TMEM236: variants seen among roughly 807,000 people sequenced by gnomAD.
TMEM236 encodes the protein family with sequence similarity 23, member A.
A neutral mutation model predicts 14.7 loss-of-function variants in TMEM236; 11 were observed. The observed-to-expected ratio is 0.75, with a 90% confidence interval of 0.47 to 1.24. TMEM236 has a LOEUF of 1.24. TMEM236 is among the 50% of genes most tolerant of loss of function. The pLI is 0.00. For synonymous variants in TMEM236, 182 were observed against 168.6 expected (o/e 1.08, Z -0.62); for missense variants, 464 against 427.3 (o/e 1.09, Z -0.76).
chr10:17,789,036 G>T (rs1304608532), intron 3 of TMEM236, among the ~76,000 whole-genome samples: 1 of 152,176 alleles, frequency 6.6e-6, no homozygotes, highest in Non-Finnish European at 1.5e-5. Flanking sequence ...AGTGTCTGTG[G>T]TGTAAATTCT....
At chr10:17,759,482 C>T (rs1837325427) in intron 1 of TMEM236, among the ~76,000 whole-genome samples, 1 of 152,096 alleles carries the variant, frequency 6.6e-6, no homozygotes, top group Admixed American at 6.6e-5. Flanking sequence ...TTTTACCTGG[C>T]TTAAGGTTTT....
chr10:17,777,743 T>TTTTCG (rs1477596113), intron 3 of TMEM236, among the ~76,000 whole-genome samples: 1 of 152,102 alleles, frequency 6.6e-6, no homozygotes, highest in African/African-American at 2.4e-5. Context: ...ATGAGTTGTT[T>TTTTCG]TTTTGTTTTG....
Position 17,796,402 on chromosome 10 carries a change from A to C in TMEM236, c.954A>C (p.Val318=), listed in dbSNP as rs1218086966. ...TTGCCCTGGGGACTATCACACCCGT[A>C]CTGGGCCTGTGTAAAAATATCCTCG... The part of the protein sequence containing the change: ...LIIALGTITP[V]LGLCKNILVT... Residue 318 remains valine, a synonymous_variant, in exon 4 of 4, where the codon GTA becomes GTC. Coordinates refer to ENST00000377495, the MANE Select transcript of TMEM236 (RefSeq NM_001098844.3). 6.2e-7 allele frequency: 1 copy of C among 1,613,716 alleles called. No homozygotes were observed. Among genetic ancestry groups the C allele is most frequent in the Non-Finnish European group, 8.5e-7 (1 of 1,179,808 alleles).
At chr10:17,793,123 G>T (rs994100515) in intron 3 of TMEM236, among the ~76,000 whole-genome samples, 5 of 152,188 alleles carry the variant, frequency 3.3e-5, no homozygotes, top group African/African-American at 1.2e-4. Flanking sequence ...GCTGTGGAGA[G>T]ATATGAAGTT....
chr10:17,785,647 A>G (rs1390409226), intron 3 of TMEM236, among the ~76,000 whole-genome samples: 1 of 152,038 alleles, frequency 6.6e-6, no homozygotes, highest in Non-Finnish European at 1.5e-5. Flanking sequence ...AGCTTATTAT[A>G]CAAGATGAGC....
intron 1 of TMEM236, among the ~76,000 whole-genome samples, chr10:17,757,230 T>C (rs1042312677): frequency 6.6e-6 from 1 of 152,200 alleles, no homozygotes; most frequent in Admixed American, 6.5e-5. Context: ...CTCAGCGAAG[T>C]GTACATGCTA....
intron 1 of TMEM236, among the ~76,000 whole-genome samples, chr10:17,757,184 C>T (rs1340652925): frequency 6.6e-6 from 1 of 152,054 alleles, no homozygotes; most frequent in Non-Finnish European, 1.5e-5. Context: ...AGGAGCTTTA[C>T]ACCTTCTGTA....
At chr10:17,785,810 TGTTA>T (rs1435592683) in intron 3 of TMEM236, among the ~76,000 whole-genome samples, 4 of 152,224 alleles carry the variant, frequency 2.6e-5, no homozygotes, top group Non-Finnish European at 4.4e-5. Context: ...CAGGAAAGTA[TGTTA>T]GTTCTAGGAT....
chr10:17,796,861 A>C lies in TMEM236; in HGVS notation c.*357A>C. ...ACAGCACGTGGTGAACCTCAAACTG[A>C]GCGTTCCCGCCTGCATTCCGCCTCC... On this transcript the variant is annotated 3_prime_UTR_variant, in exon 4 of 4. Transcript: ENST00000377495. 3.4e-6 allele frequency: 1 copy of C among 293,616 alleles called. No individual in the cohort carries two copies. The highest frequency in any genetic ancestry group is 3.6e-5 in the South Asian group (1 of 27,800). The allele number at this position is 293,616 out of a possible 1,614,324, so 18.2% of individuals were successfully genotyped here.
chr10:17,777,318 A>G (rs958645151), intron 3 of TMEM236, among the ~76,000 whole-genome samples: 1 of 152,210 alleles, frequency 6.6e-6, no homozygotes, highest in Non-Finnish European at 1.5e-5. Flanking sequence ...AGCCGGGGCC[A>G]TCTGTTGAGT....
chr10:17,768,274 C>T (rs1837507930), intron 1 of TMEM236, among the ~76,000 whole-genome samples: 1 of 151,768 alleles, frequency 6.6e-6, no homozygotes, highest in Non-Finnish European at 1.5e-5. Flanking sequence ...TAGATAGGCA[C>T]ATATATTGTT....
chr10:17,787,484 A>G (rs962704493), intron 3 of TMEM236, among the ~76,000 whole-genome samples: 16 of 152,130 alleles, frequency 1.1e-4, no homozygotes, highest in African/African-American at 3.6e-4. Context: ...TTTTTTACCC[A>G]TTGACTCTAC....
At chr10:17,763,990 C>T (rs1392219910) in intron 1 of TMEM236, among the ~76,000 whole-genome samples, 7 of 152,034 alleles carry the variant, frequency 4.6e-5, no homozygotes, top group African/African-American at 1.2e-4. Flanking sequence ...TTTCCTGTAG[C>T]GCTTAGCCTG....
chr10:17,774,726 C>G (rs1157383287), intron 2 of TMEM236, among the ~76,000 whole-genome samples: 1 of 152,058 alleles, frequency 6.6e-6, no homozygotes, highest in Non-Finnish European at 1.5e-5. Context: ...CAAAAAGTTG[C>G]AACAGTGGTT....
intron 3 of TMEM236, among the ~76,000 whole-genome samples, chr10:17,789,988 C>T (rs948304109): frequency 2.0e-5 from 3 of 151,976 alleles, no homozygotes; most frequent in Admixed American, 6.6e-5. Context: ...CGCGCCATGG[C>T]ACTCCAGCCT....
chr10:17,783,235 A>G (rs1302005088), intron 3 of TMEM236, among the ~76,000 whole-genome samples: 1 of 152,154 alleles, frequency 6.6e-6, no homozygotes, highest in African/African-American at 2.4e-5. Flanking sequence ...CTGCCAGAAG[A>G]AAGTGACTAC....
intron 1 of TMEM236, among the ~76,000 whole-genome samples, chr10:17,759,982 C>CAAAAAAAAAA (rs35596189): frequency 1.8e-5 from 1 of 54,700 alleles, no homozygotes; most frequent in African/African-American, 7.3e-5. Context: ...GACTCCGTCT[C>CAAAAAAAAAA]AAAAAAAAAA....
intron 3 of TMEM236, among the ~76,000 whole-genome samples, chr10:17,793,932 C>T (rs928512838): frequency 1.3e-5 from 2 of 152,180 alleles, no homozygotes; most frequent in Non-Finnish European, 2.9e-5. Context: ...ATGATTCCCA[C>T]TCAGGCCACT....
chr10:17,776,174 A>G lies in TMEM236; in HGVS notation c.472+4A>G. On this transcript the variant is annotated splice_donor_region_variant and intron_variant, in intron 3 of 3. Transcript: ENST00000377495. ...CCTCTTAGAGGGAGTCAAAAGAGTA[A>G]GTGTTCTTTTAAATGTGAATATTTT... 6.2e-7 allele frequency: 1 copy of G among 1,610,302 alleles called. No homozygotes were observed. Among genetic ancestry groups the G allele is most frequent in the Non-Finnish European group, 8.5e-7 (1 of 1,177,018 alleles).
Sources: gnomAD v4.1 joint callset for allele counts (sites outside exome capture counted in the v4.1 genomes callset) on GRCh38, gnomAD v4.1.1 for gene constraint, MANE v1.5 for transcripts, NCBI Gene and HGNC (gene_info 2026-07-23, HGNC 2026-07-21) for gene names.